The following SDK1 variants were observed in gnomAD, a reference collection of about 807,000 sequenced individuals.
SDK1 encodes sidekick cell adhesion molecule 1.
A neutral mutation model predicts 245.5 loss-of-function variants in SDK1; 157 were observed. That is an observed-to-expected ratio of 0.64 (90% CI 0.56 to 0.73). SDK1 has a LOEUF of 0.73. Ranked by LOEUF, SDK1 falls within the 30% of genes least tolerant of loss-of-function variation. The probability of loss-of-function intolerance (pLI) is 0.00; values close to 1 mark genes in which losing one functional copy is unlikely to be tolerated. For missense variants in SDK1, 3,583 were observed against 3,002.3 expected (o/e 1.19, Z -4.52); for synonymous variants, 1,647 against 1,278.5 (o/e 1.29, Z -6.15).
intron 41 of SDK1, 136 bp from the exon 42 acceptor site, chr7:4,237,511 C>A (rs1786245383): frequency 2.1e-6 from 2 of 950,926 alleles, no homozygotes; most frequent in South Asian, 1.5e-5. Context: ...ACCCGCCCGG[C>A]TGGACATTGG....
intron 1 of SDK1, among the ~76,000 whole-genome samples, chr7:3,305,210 A>G (rs571701801): frequency 3.8e-4 from 58 of 152,254 alleles, no homozygotes; most frequent in Non-Finnish European, 6.6e-4. Flanking sequence ...TGAGGTGTAC[A>G]TCGGAATCAC....
chr7:3,843,654 G>C (rs751957087), intron 5 of SDK1, among the ~76,000 whole-genome samples: 3 of 152,084 alleles, frequency 2.0e-5, no homozygotes, highest in African/African-American at 7.2e-5. Flanking sequence ...ACACAAAAGG[G>C]CCTTATTATG....
intron 4 of SDK1, among the ~76,000 whole-genome samples, chr7:3,776,173 T>C (rs577373020): frequency 6.6e-6 from 1 of 152,248 alleles, no homozygotes; most frequent in Non-Finnish European, 1.5e-5. Flanking sequence ...TGTAAGTTAA[T>C]GAACGAATGA....
In SDK1 at chr7:4,174,334, T is replaced by C; in HGVS notation, c.4913T>C (p.Ile1638Thr). The C allele has an allele frequency of 6.2e-7, 1 of 1,613,834 alleles. No individual in the cohort carries two copies. The highest frequency in any genetic ancestry group is 8.5e-7 in the Non-Finnish European group (1 of 1,179,740). The change falls in exon 33 of 45, where the codon ATA (isoleucine) becomes ACA (threonine). Residue 1638 changes from isoleucine (I) to threonine (T), a missense_variant. By Grantham distance (89) the Ile-to-Thr change is moderately conservative (BLOSUM62 -1). Transcript: ENST00000404826. ...GAGGCCAAGACGCTCAAAAACCCTA[T>C]AGCTTTACATGCTGAGCTCACAGGT... ...GTEAKTLKNPIALHAELTAQS... is the reference protein window; with the variant it reads ...GTEAKTLKNPTALHAELTAQS...
chr7:4,074,908 A>T (rs1462784082), intron 20 of SDK1, among the ~76,000 whole-genome samples: 20 of 77,400 alleles, frequency 2.6e-4, no homozygotes, highest in African/African-American at 1.7e-3. Context: ...ATATATATAT[A>T]TATATATATT....
intron 5 of SDK1, among the ~76,000 whole-genome samples, chr7:3,938,075 G>C (rs927151208): frequency 6.6e-6 from 1 of 152,068 alleles, no homozygotes; most frequent in Non-Finnish European, 1.5e-5. Context: ...GACCTCAGGC[G>C]ATCCACCTGC....
intron 13 of SDK1, among the ~76,000 whole-genome samples, chr7:3,986,418 A>G (rs994287702): frequency 6.6e-5 from 10 of 152,342 alleles, no homozygotes; most frequent in Non-Finnish European, 1.3e-4. Context: ...CTAAGAATAC[A>G]TGCAGGCATT....
chr7:3,440,566 C>A (rs1430355164), intron 1 of SDK1, among the ~76,000 whole-genome samples: 1 of 152,070 alleles, frequency 6.6e-6, no homozygotes, highest in African/African-American at 2.4e-5. Context: ...TCAAGTAACC[C>A]TTATTTTAAT....
intron 1 of SDK1, among the ~76,000 whole-genome samples, chr7:3,386,236 A>G (rs373504225): frequency 6.6e-6 from 1 of 152,180 alleles, no homozygotes; most frequent in Admixed American, 6.5e-5. Flanking sequence ...TGATACAAAG[A>G]TGTGCAAGAT....
At chr7:3,591,329 C>T (rs1780868453) in intron 1 of SDK1, among the ~76,000 whole-genome samples, 1 of 152,172 alleles carries the variant, frequency 6.6e-6, no homozygotes, top group Non-Finnish European at 1.5e-5. Flanking sequence ...CTGCTCTGAG[C>T]CTGCAGGGCA....
intron 4 of SDK1, among the ~76,000 whole-genome samples, chr7:3,667,036 C>G (rs1325852781): frequency 1.3e-5 from 2 of 151,952 alleles, no homozygotes; most frequent in Admixed American, 6.6e-5. Context: ...ATGCTAAGGA[C>G]TTGTTCTTTC....
intron 5 of SDK1, among the ~76,000 whole-genome samples, chr7:3,864,546 A>G (rs1554273310): frequency 6.6e-6 from 1 of 152,220 alleles, no homozygotes; most frequent in Non-Finnish European, 1.5e-5. Context: ...TATCTCTGCA[A>G]GAAAGTAGGT....
At chr7:3,658,068 C>A (rs564402468) in intron 4 of SDK1, among the ~76,000 whole-genome samples, 2 of 152,288 alleles carry the variant, frequency 1.3e-5, no homozygotes, top group African/African-American at 2.4e-5. Flanking sequence ...TGCCCGACTT[C>A]GGTGGGGCTC....
chr7:3,832,887 T>C (rs1779944846), intron 5 of SDK1, among the ~76,000 whole-genome samples: 1 of 152,070 alleles, frequency 6.6e-6, no homozygotes, highest in Non-Finnish European at 1.5e-5. Flanking sequence ...GAGAGGGTCT[T>C]AGGAAAGTAT....
At chr7:4,214,305 A>C (rs1045943948) in intron 38 of SDK1, among the ~76,000 whole-genome samples, 1 of 152,164 alleles carries the variant, frequency 6.6e-6, no homozygotes, top group Non-Finnish European at 1.5e-5. Context: ...ATTCTAGACA[A>C]ACCGCTGGCT....
chr7:4,026,603 A>G lies in SDK1; in HGVS notation c.2602+9251A>G, dbSNP rs1562691219. On this transcript the variant is annotated intron_variant, in intron 17 of 44. Coordinates refer to ENST00000404826, the MANE Select transcript of SDK1 (RefSeq NM_152744.4). The surrounding 1 kb of genome is among the most constrained non-coding windows in gnomAD (Gnocchi z 4.1). Reference sequence around the variant, plus strand: ...TTTGGAAAAAAAAATAAGTTCAGAAAGGAACACACAAAACTTTTTAAGTGT... The same window carrying G: ...TTTGGAAAAAAAAATAAGTTCAGAAGGGAACACACAAAACTTTTTAAGTGT... Among the ~76,000 whole-genome samples the G allele has an allele frequency of 6.6e-6, 1 of 152,230 alleles. No individual in the cohort carries two copies. Among genetic ancestry groups the G allele is most frequent in the Non-Finnish European group, 1.5e-5 (1 of 68,046 alleles).
intron 1 of SDK1, among the ~76,000 whole-genome samples, chr7:3,502,872 A>G (rs907721220): frequency 6.6e-6 from 1 of 152,148 alleles, no homozygotes; most frequent in African/African-American, 2.4e-5. Flanking sequence ...CTTGTTCTGT[A>G]ACATACTTTT....
rs113072833 is a variant in SDK1 at position 3,590,081 on chromosome 7, G to A, written c.299-28999G>A. Among the ~76,000 whole-genome samples, 62 of 152,222 alleles carry A rather than the reference G, an allele frequency of 4.1e-4. 1 individual carries two copies. The highest frequency in any genetic ancestry group is 1.1e-3 in the African/African-American group (45 of 41,522). On this transcript the variant is annotated intron_variant, in intron 1 of 44. Coordinates refer to ENST00000404826, the MANE Select transcript of SDK1 (RefSeq NM_152744.4). The stretch of plus-strand genomic sequence containing the variant: ...ATTAGTGTAAATACGTATGTGTTAG[G>A]GGATAGATGATACACTATTACAGAC...
At chr7:3,398,890 T>A (rs1455184526) in intron 1 of SDK1, among the ~76,000 whole-genome samples, 1 of 151,982 alleles carries the variant, frequency 6.6e-6, no homozygotes, top group Admixed American at 6.6e-5. Flanking sequence ...GCTGTGATTT[T>A]GTGTCTCCAG....
Sources: allele counts gnomAD v4.1 joint callset (sites outside exome capture counted in the v4.1 genomes callset), GRCh38; gene constraint gnomAD v4.1.1; non-coding constraint Gnocchi (gnomAD v3.1); transcripts MANE v1.5; gene names NCBI Gene and HGNC (gene_info 2026-07-23, HGNC 2026-07-21).